The following RAB3C variants were observed in gnomAD, a reference collection of about 807,000 sequenced individuals.
RAB3C encodes the protein ras-related protein Rab-3C.
A neutral mutation model predicts 26.4 loss-of-function variants in RAB3C; 17 were observed. The ratio of observed to expected loss-of-function variants is 0.64; its 90% CI spans 0.44 to 0.97. RAB3C has a LOEUF of 0.97. RAB3C is among the 50% of genes least tolerant of loss of function. The pLI is 0.00. For synonymous variants in RAB3C, 91 were observed against 95.9 expected (o/e 0.95, Z 0.30); for missense variants, 242 against 281.9 (o/e 0.86, Z 1.01).
chr5:58,620,702 G>C (rs79468060), intron 2 of RAB3C, among the ~76,000 whole-genome samples: 2,196 of 152,262 alleles, frequency 0.014, 48 homozygotes, highest in African/African-American at 0.05. Context: ...TGCACATGCT[G>C]AATGGCTAAG....
chr5:58,845,489 G>C (rs1003534656), intron 4 of RAB3C, among the ~76,000 whole-genome samples: 1 of 151,310 alleles, frequency 6.6e-6, no homozygotes, highest in Admixed American at 6.6e-5. Flanking sequence ...TGTGGTAGGG[G>C]ATTCTGCCAG....
chr5:58,844,608 C>T (rs1011510384), intron 4 of RAB3C, among the ~76,000 whole-genome samples: 16 of 152,310 alleles, frequency 1.1e-4, no homozygotes, highest in African/African-American at 3.6e-4. Context: ...AATGACCTTT[C>T]CTTGCAGTTC....
At chr5:58,805,186 G>C (rs889191478) in intron 3 of RAB3C, among the ~76,000 whole-genome samples, 1 of 151,938 alleles carries the variant, frequency 6.6e-6, no homozygotes, top group Non-Finnish European at 1.5e-5. Flanking sequence ...CTATTTTGAA[G>C]AATCTAACTC....
intron 2 of RAB3C, among the ~76,000 whole-genome samples, chr5:58,723,099 T>A (rs960728467): frequency 6.6e-6 from 1 of 151,808 alleles, no homozygotes; most frequent in Non-Finnish European, 1.5e-5. Flanking sequence ...GTCTCTCTGG[T>A]CTAATGCAAA....
chr5:58,734,588 T>C (rs1451497773), intron 3 of RAB3C, among the ~76,000 whole-genome samples: 1 of 152,188 alleles, frequency 6.6e-6, no homozygotes, highest in African/African-American at 2.4e-5. Flanking sequence ...AATTTATATT[T>C]AGAAAATAGA....
rs1461753634 is a variant in RAB3C at position 58,612,544 on chromosome 5, A to G, written c.25-5099A>G. On this transcript the variant is annotated intron_variant, in intron 1 of 4. Coordinates refer to ENST00000282878, the MANE Select transcript of RAB3C (RefSeq NM_138453.4). ...TGTATATATATATATATATATATAT[A>G]TATGTATATATATATATATGTATAT... Among the ~76,000 whole-genome samples, 239 of 56,564 alleles carry G rather than the reference A, an allele frequency of 4.2e-3. 2 individuals carry two copies. The highest frequency in any genetic ancestry group is 5.6e-3 in the Non-Finnish European group (148 of 26,408). 37.1% of individuals were successfully genotyped at this position (56,564 alleles called of 152,430 possible). A position where few individuals can be genotyped will look rare whatever the true frequency, so the allele number is the denominator to read the frequency against.
chr5:58,648,446 A>G (rs1035644020), intron 2 of RAB3C, among the ~76,000 whole-genome samples: 4 of 152,188 alleles, frequency 2.6e-5, no homozygotes, highest in Non-Finnish European at 5.9e-5. Context: ...TTGTGAAATG[A>G]GCTTCTCAAT....
rs1579895509 is a variant in RAB3C, at chr5:58,746,351, T to C, written c.371+20231T>C. Among the ~76,000 whole-genome samples the C allele has an allele frequency of 1.3e-5, 2 of 152,196 alleles. 1 individual carries two copies. The highest frequency in any genetic ancestry group is 3.9e-4 in the East Asian group (2 of 5,182). On this transcript the variant is annotated intron_variant, in intron 3 of 4. Coordinates refer to ENST00000282878, the MANE Select transcript of RAB3C (RefSeq NM_138453.4). ...CTTTCCAAAGAGCTCTACCAGTACT[T>C]GGGGCTTCAGGACAACAAAGAACAT...
At chr5:58,697,487 T>C (rs867026043) in intron 2 of RAB3C, among the ~76,000 whole-genome samples, 11 of 152,208 alleles carry the variant, frequency 7.2e-5, no homozygotes, top group African/African-American at 2.7e-4. Flanking sequence ...TTGTTAAGCT[T>C]CTGTCTCGTT....
intron 3 of RAB3C, among the ~76,000 whole-genome samples, chr5:58,807,012 T>C (rs1742955929): frequency 6.6e-6 from 1 of 152,158 alleles, no homozygotes; most frequent in South Asian, 2.1e-4. Context: ...CTTAGCAAGA[T>C]TTGAATAGTG....
chr5:58,805,800 T>A lies in RAB3C; in HGVS notation c.372-19238T>A, dbSNP rs188491924. 1.8e-3 allele frequency among the ~76,000 whole-genome samples: 281 copies of A among 152,078 alleles called. 2 individuals carry two copies. Among genetic ancestry groups the A allele is most frequent in the Non-Finnish European group, 3.4e-3 (234 of 67,996 alleles). ...GTTGGCAAAGGTGAGGAGGTATAAG[T>A]GGTGTGCTACAAAGTATATCACCCT... On this transcript the variant is annotated intron_variant, in intron 3 of 4. Coordinates refer to ENST00000282878, the MANE Select transcript of RAB3C (RefSeq NM_138453.4).
chr5:58,704,037 A>G (rs2111884504), intron 2 of RAB3C, among the ~76,000 whole-genome samples: 1 of 152,314 alleles, frequency 6.6e-6, no homozygotes, highest in South Asian at 2.1e-4. Flanking sequence ...TTGTAGAAGA[A>G]TTGAACCTTT....
chr5:58,685,027 A>G (rs1013295588), intron 2 of RAB3C, among the ~76,000 whole-genome samples: 2 of 152,192 alleles, frequency 1.3e-5, no homozygotes, highest in African/African-American at 4.8e-5. Flanking sequence ...GGCAGTTTTT[A>G]CTTAAAAAGA....
At chr5:58,810,170 C>A (rs1422141042) in intron 3 of RAB3C, among the ~76,000 whole-genome samples, 4 of 152,154 alleles carry the variant, frequency 2.6e-5, no homozygotes, top group African/African-American at 7.2e-5. Context: ...CAGTCTCCTG[C>A]CAGTGTCTCC....
chr5:58,745,323 G>A (rs191239548), intron 3 of RAB3C, among the ~76,000 whole-genome samples: 6 of 148,826 alleles, frequency 4.0e-5, no homozygotes, highest in South Asian at 4.3e-4. Flanking sequence ...GTGTGAACCC[G>A]GGAGGCAGAG....
At chr5:58,825,780 A>G (rs554842264) in intron 4 of RAB3C, among the ~76,000 whole-genome samples, 1 of 152,316 alleles carries the variant, frequency 6.6e-6, no homozygotes, top group African/African-American at 2.4e-5. Context: ...GTATCTAAAG[A>G]GAAAAATGCT....
intron 2 of RAB3C, among the ~76,000 whole-genome samples, chr5:58,716,087 G>T (rs1749167445): frequency 1.6e-5 from 2 of 121,332 alleles, no homozygotes; most frequent in Admixed American, 1.5e-4. Flanking sequence ...AAGTCTTTCA[G>T]CAGGAAAAAA....
At chr5:58,796,681 A>G (rs1055151613) in intron 3 of RAB3C, among the ~76,000 whole-genome samples, 1 of 152,222 alleles carries the variant, frequency 6.6e-6, no homozygotes, top group African/African-American at 2.4e-5. Context: ...TAGAAAGAGT[A>G]TCTATCTCCG....
intron 2 of RAB3C, among the ~76,000 whole-genome samples, chr5:58,699,997 T>A (rs1342356578): frequency 1.3e-5 from 2 of 152,206 alleles, no homozygotes; most frequent in African/African-American, 4.8e-5. Flanking sequence ...CCCAATGAGA[T>A]GAACCAGGCA....
Sources: gnomAD v4.1 joint callset for allele counts (sites outside exome capture counted in the v4.1 genomes callset) on GRCh38, gnomAD v4.1.1 for gene constraint, MANE v1.5 for transcripts, NCBI Gene and HGNC (gene_info 2026-07-23, HGNC 2026-07-21) for gene names.